Variants in NAT1 observed in about 807,000 individuals in gnomAD.
The protein encoded by NAT1 is N-acetyltransferase 1.
For missense variants in NAT1, 400 were observed against 339.2 expected, an observed-to-expected ratio of 1.18 and a Z score of -1.41; for synonymous variants, 144 against 122.6, an observed-to-expected ratio of 1.17 and a Z score of -1.16.
In NAT1 at chr8:18,214,318, T is replaced by C. The variant is rs184513903; in HGVS notation, c.-86+4138T>C. Among the ~76,000 whole-genome samples, 280 of 152,346 alleles carry C rather than the reference T, an allele frequency of 1.8e-3. 2 individuals are homozygous for C. Among genetic ancestry groups the C allele is most frequent in the African/African-American group, 6.4e-3 (265 of 41,580 alleles). On this transcript the variant is annotated intron_variant, in intron 1 of 2. Transcript: ENST00000307719. ...CGAAACTATCAGGATAGCTCAGTTATTGCATTTCTCAAGCTCTTTTATGTT... is the reference window on the plus strand; with the variant it reads ...CGAAACTATCAGGATAGCTCAGTTACTGCATTTCTCAAGCTCTTTTATGTT...
At chr8:18,204,977 T>C (rs1197973955) in intron 2 of NAT1, among the ~76,000 whole-genome samples, 1 of 152,216 alleles carries the variant, frequency 6.6e-6, no homozygotes, top group African/African-American at 2.4e-5. Context: ...CTGGACTGTA[T>C]GCTCTAACTA....
chr8:18,222,401 C>A lies in NAT1; in HGVS notation c.354C>A (p.Asn118Lys), dbSNP rs781100714. 6.2e-6 allele frequency: 10 copies of A among 1,614,094 alleles called. No homozygotes were observed. The South Asian group carries it at 1.1e-4, about 18-fold the overall frequency. The part of the protein sequence containing the change: ...LLLQVTIDGR[N>K]YIVDAGFGRS... ...TGCAGGTGACCATTGATGGCAGGAACTACATTGTCGATGCTGGGTTTGGAC... is the reference window on the plus strand; with the variant it reads ...TGCAGGTGACCATTGATGGCAGGAAATACATTGTCGATGCTGGGTTTGGAC... Residue 118 changes from asparagine to lysine, a missense_variant, in exon 3 of 3, where the codon AAC (asparagine) becomes AAA (lysine). By Grantham distance (94) the Asn-to-Lys change is moderately conservative (BLOSUM62 0). Transcript: ENST00000307719.
Position 18,222,807 on chromosome 8 carries a change from G to A in NAT1, c.760G>A (p.Glu254Lys). The A allele has an allele frequency of 6.2e-7, 1 of 1,612,474 alleles. No homozygotes were observed. Among genetic ancestry groups the A allele is most frequent in the Non-Finnish European group, 8.5e-7 (1 of 1,179,518 alleles). The change falls in exon 3 of 3, where the codon GAG becomes AAG. Residue 254 changes from glutamate to lysine, a missense_variant. Coordinates refer to ENST00000307719, the MANE Select transcript of NAT1 (RefSeq NM_000662.8). ...TTATAAGGACAATACAGATCTAATA[G>A]AGTTCAAGACTCTGAGTGAGGAAGA... Reference protein sequence around the residue: ...FNYKDNTDLIEFKTLSEEEIE... With the variant: ...FNYKDNTDLIKFKTLSEEEIE...
At chr8:18,216,481 C>A (rs1006827222) in intron 1 of NAT1, among the ~76,000 whole-genome samples, 1 of 152,178 alleles carries the variant, frequency 6.6e-6, no homozygotes, top group Non-Finnish European at 1.5e-5. Flanking sequence ...GGGAAGAGGA[C>A]TGGCTTCAGT....
At chr8:18,195,837 C>T (rs991051257) in intron 2 of NAT1, among the ~76,000 whole-genome samples, 1 of 151,840 alleles carries the variant, frequency 6.6e-6, no homozygotes, top group Non-Finnish European at 1.5e-5. Context: ...TGCATTCTAC[C>T]TGATGGGGAT....
chr8:18,181,418 T>G (rs1474295532), intron 2 of NAT1, among the ~76,000 whole-genome samples: 2 of 152,176 alleles, frequency 1.3e-5, no homozygotes, highest in African/African-American at 4.8e-5. Context: ...AAATGTTGAT[T>G]TTGCATCTTG....
At chr8:18,177,054 T>A (rs992195237) in intron 2 of NAT1, among the ~76,000 whole-genome samples, 15 of 152,132 alleles carry the variant, frequency 9.9e-5, no homozygotes, top group Admixed American at 8.5e-4. Context: ...GATTTTTGCA[T>A]GTTGATTTTA....
intron 1 of NAT1, chr8:18,216,763 A>C: frequency 3.4e-6 from 2 of 595,020 alleles, no homozygotes; most frequent in Non-Finnish European, 5.7e-6. Flanking sequence ...TAAGAGGCTA[A>C]GCAGTTGACA....
intron 2 of NAT1, among the ~76,000 whole-genome samples, chr8:18,175,048 T>C (rs80211920): frequency 0.036 from 4,980 of 136,792 alleles, 251 homozygotes; most frequent in African/African-American, 0.15. Flanking sequence ...GATTCCTTAA[T>C]TTTTTTGTAG....
At chr8:18,185,086 C>A (rs28558200) in intron 2 of NAT1, among the ~76,000 whole-genome samples, 2 of 110,754 alleles carry the variant, frequency 1.8e-5, no homozygotes, top group East Asian at 5.1e-4. Flanking sequence ...TTCAGGAGTG[C>A]TTGTTTCAGT....
intron 2 of NAT1, among the ~76,000 whole-genome samples, chr8:18,179,789 A>G (rs1802437588): frequency 6.6e-6 from 1 of 152,164 alleles, no homozygotes; most frequent in Admixed American, 6.6e-5. Context: ...GCAAATATTT[A>G]TTTTGCACTC....
chr8:18,199,621 A>G (rs1803380829), intron 2 of NAT1, among the ~76,000 whole-genome samples: 1 of 152,210 alleles, frequency 6.6e-6, no homozygotes, highest in African/African-American at 2.4e-5. Flanking sequence ...GAGTTCCCTG[A>G]ACTCTTTGGC....
chr8:18,195,145 C>T (rs111489398), intron 2 of NAT1, among the ~76,000 whole-genome samples: 147 of 152,282 alleles, frequency 9.7e-4, no homozygotes, highest in African/African-American at 3.4e-3. Context: ...ACAAGCATCC[C>T]GTGAACATGG....
chr8:18,199,003 A>G (rs958080091), intron 2 of NAT1, among the ~76,000 whole-genome samples: 7 of 151,964 alleles, frequency 4.6e-5, no homozygotes, highest in African/African-American at 1.7e-4. Flanking sequence ...CTTTTAGTCA[A>G]CTGAAATCTC....
chr8:18,181,256 A>G (rs545104966), intron 2 of NAT1, among the ~76,000 whole-genome samples: 1 of 152,146 alleles, frequency 6.6e-6, no homozygotes, highest in Non-Finnish European at 1.5e-5. Flanking sequence ...AAAAGTAGCT[A>G]TTCAGTAGGA....
intron 2 of NAT1, among the ~76,000 whole-genome samples, chr8:18,178,481 G>A (rs979913012): frequency 6.6e-6 from 1 of 152,094 alleles, no homozygotes; most frequent in Non-Finnish European, 1.5e-5. Context: ...AACCTGGATT[G>A]AGGTTCTATT....
At position 18,222,452 on chromosome 8, in the gene NAT1, G is replaced by A. The variant is rs747915438; in HGVS notation, c.405G>A (p.Leu135=). 1.9e-6 allele frequency: 3 copies of A among 1,614,050 alleles called. No homozygotes were observed. In the South Asian group the frequency reaches 3.3e-5, roughly 18 times the overall value. ...FGRSYQMWQP[L]ELISGKDQPQ... is the part of the protein sequence containing the mutation. ...GCTCATACCAGATGTGGCAGCCTCT[G>A]GAGTTAATTTCTGGGAAGGATCAGC... is the stretch of plus-strand genomic sequence containing the variant. Residue 135 remains leucine, a synonymous_variant, in exon 3 of 3, where the codon CTG becomes CTA. Coordinates refer to ENST00000307719, the MANE Select transcript of NAT1 (RefSeq NM_000662.8).
chr8:18,211,473 C>G (rs978216961), intron 1 of NAT1: 3 of 152,236 alleles, frequency 2.0e-5, no homozygotes, highest in African/African-American at 7.2e-5. Flanking sequence ...TTTTAACTGT[C>G]AACTTTCTAC....
chr8:18,171,175 T>G (rs576721105), intron 2 of NAT1, among the ~76,000 whole-genome samples: 8 of 152,316 alleles, frequency 5.3e-5, no homozygotes, highest in East Asian at 1.9e-4. Context: ...AGAACTCAAC[T>G]GGGCTCTGTA....
Sources: allele counts gnomAD v4.1 joint callset (sites outside exome capture counted in the v4.1 genomes callset), GRCh38; gene constraint gnomAD v4.1.1; transcripts MANE v1.5; gene names NCBI Gene and HGNC (gene_info 2026-07-23, HGNC 2026-07-21).